Variants in ZMYND11 observed in about 807,000 individuals in gnomAD.
ZMYND11 encodes zinc finger MYND-type containing 11.
A neutral mutation model predicts 84.9 loss-of-function variants in ZMYND11; 9 were observed. The ratio of observed to expected loss-of-function variants is 0.11; its 90% confidence interval spans 0.06 to 0.18. ZMYND11 has a LOEUF of 0.18. Ranked by LOEUF, ZMYND11 falls within the 10% of genes least tolerant of loss-of-function variation. The probability of loss-of-function intolerance (pLI) is 1.00; values close to 1 mark genes in which losing one functional copy is unlikely to be tolerated. For missense variants in ZMYND11, 409 were observed against 761.0 expected, an observed-to-expected ratio of 0.54 and a Z score of 5.44; for synonymous variants, 250 against 244.1, an observed-to-expected ratio of 1.02 and a Z score of -0.23.
chr10:145,133 C>CAT (rs561129737), intron 1 of ZMYND11, among the ~76,000 whole-genome samples: 1 of 148,644 alleles, frequency 6.7e-6, no homozygotes, highest in East Asian at 2.0e-4. Flanking sequence ...GAGAGTATTC[C>CAT]ATATATATAT....
rs765520493 is a variant in ZMYND11 at position 249,037 on chromosome 10, G to A, written c.1635G>A (p.Lys545=). Residue 545 remains lysine (K), a synonymous_variant, in exon 14 of 15, where the codon AAG becomes AAA. Transcript: ENST00000381604. ...CKEEFVEEIK[K]LATQHKQLIS... ...AAGAATTTGTAGAAGAAATCAAGAA[G>A]CTGGCAACACAGCACAAGCAACTGA... 7.4e-6 allele frequency: 12 copies of A among 1,614,086 alleles called. No individual in the cohort carries two copies. Among genetic ancestry groups the A allele is most frequent in the Middle Eastern group, 1.6e-4 (1 of 6,084 alleles).
chr10:220,667 G>A (rs983257197), intron 3 of ZMYND11, among the ~76,000 whole-genome samples: 1 of 152,138 alleles, frequency 6.6e-6, no homozygotes, highest in African/African-American at 2.4e-5. Flanking sequence ...ATCAGAACAT[G>A]GACATTCTGA....
intron 1 of ZMYND11, among the ~76,000 whole-genome samples, chr10:149,545 C>G (rs967294607): frequency 6.6e-6 from 1 of 151,858 alleles, no homozygotes; most frequent in African/African-American, 2.4e-5. Context: ...CTCCTGACCT[C>G]GTGATCCACC....
chr10:209,290 TAA>T (rs1471783788), intron 2 of ZMYND11, among the ~76,000 whole-genome samples: 1 of 152,176 alleles, frequency 6.6e-6, no homozygotes, highest in Non-Finnish European at 1.5e-5. Context: ...CTTGTAACGG[TAA>T]ATCAGGGAAT....
At chr10:225,174 TTATTAACA>T (rs1303161676) in intron 4 of ZMYND11, among the ~76,000 whole-genome samples, 2 of 152,212 alleles carry the variant, frequency 1.3e-5, no homozygotes, top group Non-Finnish European at 2.9e-5. Flanking sequence ...TAGGATAAGT[TTATTAACA>T]TGGGATTTTT....
At chr10:247,605 T>A (rs1952420094) in intron 12 of ZMYND11, 139 bp downstream of exon 12, 2 of 915,080 alleles carry the variant, frequency 2.2e-6, no homozygotes, top group African/African-American at 1.7e-5. Flanking sequence ...AGTCAAATCA[T>A]ATCCATCAAG....
At chr10:185,833 AAAAC>A (rs1186557762) in intron 2 of ZMYND11, among the ~76,000 whole-genome samples, 1 of 151,524 alleles carries the variant, frequency 6.6e-6, no homozygotes, top group African/African-American at 2.4e-5. Context: ...AAAAAACAAA[AAAAC>A]AAAAAAAAAG....
chr10:178,098 C>A (rs1250203322), intron 1 of ZMYND11, among the ~76,000 whole-genome samples: 1 of 152,200 alleles, frequency 6.6e-6, no homozygotes, highest in Non-Finnish European at 1.5e-5. Flanking sequence ...TCTCTTTCTG[C>A]TGAAATTTTA....
intron 10 of ZMYND11, 29 bp from the exon 11 acceptor site, chr10:246,737 C>G (rs771108216): frequency 6.2e-7 from 1 of 1,609,370 alleles, no homozygotes. Flanking sequence ...TGGGATGTTT[C>G]TAACTATACC....
chr10:239,673 G>A, intron 7 of ZMYND11, 148 bp downstream of exon 7: 1 of 675,282 alleles, frequency 1.5e-6, no homozygotes, highest in Non-Finnish European at 2.4e-6. Flanking sequence ...AATATCTGGT[G>A]ATATAGATTA....
intron 6 of ZMYND11, among the ~76,000 whole-genome samples, chr10:238,363 C>CTT (rs35565073): frequency 1.0e-4 from 15 of 147,282 alleles, no homozygotes; most frequent in South Asian, 2.2e-4. Context: ...AGTTTCTTTT[C>CTT]TTTTTTTTTT....
At chr10:239,562 A>G (rs549247088) in intron 7 of ZMYND11, 37 bp downstream of exon 7, 1 of 1,393,230 alleles carries the variant, frequency 7.2e-7, no homozygotes, top group East Asian at 2.3e-5. Flanking sequence ...GCATTTTTAA[A>G]CACACCATTT....
intron 3 of ZMYND11, among the ~76,000 whole-genome samples, 199 bp from the exon 4 acceptor site, chr10:220,996 A>G (rs990086220): frequency 6.6e-6 from 1 of 152,162 alleles, no homozygotes; most frequent in African/African-American, 2.4e-5. Context: ...ATATTTCTGA[A>G]TATTACCACT....
intron 2 of ZMYND11, among the ~76,000 whole-genome samples, chr10:206,468 A>G (rs1238680008): frequency 1.3e-5 from 2 of 152,156 alleles, no homozygotes; most frequent in Non-Finnish European, 2.9e-5. Context: ...TTGAATTAAA[A>G]TCTCATAATT....
chr10:132,894 C>G (rs1438885626), upstream of ZMYND11, among the ~76,000 whole-genome samples: 3 of 152,034 alleles, frequency 2.0e-5, no homozygotes, highest in African/African-American at 4.8e-5. Context: ...TTGAAACTCA[C>G]CAATGCAAAA....
chr10:226,224 C>T (rs2448380), intron 4 of ZMYND11, among the ~76,000 whole-genome samples: 96,943 of 152,002 alleles, frequency 0.64, 31,135 homozygotes, highest in East Asian at 0.82. Flanking sequence ...CCCCACCCTT[C>T]CTCTCCCTAG....
intron 2 of ZMYND11, among the ~76,000 whole-genome samples, 187 bp from the exon 3 acceptor site, chr10:209,702 T>C (rs147160953): frequency 2.5e-4 from 38 of 152,002 alleles, no homozygotes; most frequent in African/African-American, 9.2e-4. Context: ...ATTGGAAGAG[T>C]TGCGTATTGA....
chr10:249,528 A>C, intron 14 of ZMYND11: 1 of 985,012 alleles, frequency 1.0e-6, no homozygotes, highest in Non-Finnish European at 1.2e-6. Flanking sequence ...TTGTTAAAGA[A>C]ATCAGTTACT....
At chr10:222,197 T>C (rs552339613) in intron 4 of ZMYND11, among the ~76,000 whole-genome samples, 4 of 152,186 alleles carry the variant, frequency 2.6e-5, no homozygotes, top group African/African-American at 9.6e-5. Context: ...AATTTAAGTA[T>C]TTTTTTGCTT....
Sources: gnomAD v4.1 joint callset for allele counts (sites outside exome capture counted in the v4.1 genomes callset) on GRCh38, gnomAD v4.1.1 for gene constraint, MANE v1.5 for transcripts, NCBI Gene and HGNC (gene_info 2026-07-23, HGNC 2026-07-21) for gene names.